The following DENND5A variants were observed in gnomAD, a reference collection of about 807,000 sequenced individuals.
The protein encoded by DENND5A is DENN domain containing 5A, also known as DENN domain-containing protein 5A.
Under a neutral mutation model 140.3 loss-of-function variants are expected in DENND5A, and 64 were observed. That is an observed-to-expected ratio of 0.46 (90% CI 0.37 to 0.56). The LOEUF (loss-of-function observed/expected upper bound fraction) is 0.56, where lower values mean the gene tolerates loss of function less well. DENND5A is among the 20% of genes least tolerant of loss of function. The probability of loss-of-function intolerance (pLI) is 0.00; values close to 1 mark genes in which losing one functional copy is unlikely to be tolerated. For synonymous variants in DENND5A, 605 were observed against 607.7 expected (o/e 1.00, Z 0.07); for missense variants, 1,292 against 1,593.8 (o/e 0.81, Z 3.22).
intron 1 of DENND5A, among the ~76,000 whole-genome samples, chr11:9,241,054 G>C (rs1483746910): frequency 6.6e-6 from 1 of 152,176 alleles, no homozygotes; most frequent in East Asian, 1.9e-4. Context: ...TGTGATGTTT[G>C]TGTATTCTTC....
intron 5 of DENND5A, among the ~76,000 whole-genome samples, chr11:9,185,834 T>C (rs1163165444): frequency 6.6e-6 from 1 of 151,836 alleles, no homozygotes; most frequent in Non-Finnish European, 1.5e-5. Flanking sequence ...GTCTGTAAAT[T>C]TGTGTGTGTG....
intron 1 of DENND5A, among the ~76,000 whole-genome samples, chr11:9,238,965 A>G (rs1165450908): frequency 2.0e-5 from 3 of 149,112 alleles, no homozygotes; most frequent in Non-Finnish European, 4.5e-5. Flanking sequence ...CTGAGTAGCT[A>G]GGATTACAGG....
chr11:9,205,618 T>C (rs527907517), intron 3 of DENND5A, among the ~76,000 whole-genome samples: 1 of 152,276 alleles, frequency 6.6e-6, no homozygotes, highest in South Asian at 2.1e-4. Context: ...GAAGGCCAGG[T>C]GCAGTGGCTC....
intron 13 of DENND5A, 72 bp from the exon 14 acceptor site, chr11:9,150,836 T>G: frequency 1.1e-6 from 1 of 893,846 alleles, no homozygotes; most frequent in Non-Finnish European, 1.8e-6. Flanking sequence ...TCCCTTACCT[T>G]AAATCACAAA....
chr11:9,238,593 T>C (rs924223344), intron 1 of DENND5A, among the ~76,000 whole-genome samples: 1 of 151,824 alleles, frequency 6.6e-6, no homozygotes, highest in African/African-American at 2.4e-5. Context: ...ATTTTTTATA[T>C]TTTTAGTAGA....
At chr11:9,235,783 G>C (rs7941520) in intron 1 of DENND5A, among the ~76,000 whole-genome samples, 94,175 of 151,984 alleles carry the variant, frequency 0.62, 29,785 homozygotes, top group African/African-American at 0.72. Context: ...AATCCAGAGA[G>C]AGAAAGCAGA....
At chr11:9,214,657 G>GT (rs1850015349) in intron 1 of DENND5A, among the ~76,000 whole-genome samples, 1 of 152,180 alleles carries the variant, frequency 6.6e-6, no homozygotes, top group Admixed American at 6.5e-5. Context: ...ACATTCACAA[G>GT]TAAGTACCCA....
chr11:9,185,755 A>ATGTGTGGTCTGCGTCTGTG (rs756754533), intron 5 of DENND5A, among the ~76,000 whole-genome samples: 9 of 151,708 alleles, frequency 5.9e-5, no homozygotes, highest in Non-Finnish European at 1.0e-4. Context: ...TTGTTCCTGT[A>ATGTGTGGTCTGCGTCTGTG]TGTGTGGTCT....
chr11:9,199,180 T>C (rs1419802856), intron 4 of DENND5A, among the ~76,000 whole-genome samples: 1 of 151,416 alleles, frequency 6.6e-6, no homozygotes, highest in Admixed American at 6.6e-5. Flanking sequence ...CCACTTCAGA[T>C]AAAGAGCTTC....
intron 1 of DENND5A, among the ~76,000 whole-genome samples, chr11:9,220,883 ACT>A (rs1263956822): frequency 2.6e-5 from 4 of 151,666 alleles, no homozygotes; most frequent in African/African-American, 4.8e-5. Flanking sequence ...ACAAAGCGAG[ACT>A]CTGTCTCAAA....
intron 1 of DENND5A, among the ~76,000 whole-genome samples, chr11:9,220,632 C>T (rs1219850099): frequency 1.3e-5 from 2 of 151,888 alleles, no homozygotes; most frequent in Non-Finnish European, 2.9e-5. Flanking sequence ...GTGGCTCACA[C>T]CTATAATCCC....
intron 1 of DENND5A, among the ~76,000 whole-genome samples, chr11:9,227,811 T>A (rs1023826481): frequency 2.5e-4 from 37 of 146,702 alleles, no homozygotes; most frequent in African/African-American, 8.5e-4. Flanking sequence ...AAATTTAAAT[T>A]AAAAAAAAAA....
At chr11:9,187,268 TC>T (rs1244635089) in intron 5 of DENND5A, among the ~76,000 whole-genome samples, 1 of 152,154 alleles carries the variant, frequency 6.6e-6, no homozygotes, top group East Asian at 1.9e-4. Flanking sequence ...TCATATATCC[TC>T]CTTCCTCAGC....
Position 9,190,499 on chromosome 11 carries a change from T to C in DENND5A, c.1137+2995A>G, listed in dbSNP as rs939970864. Among the ~76,000 whole-genome samples the C allele has an allele frequency of 2.0e-5, 3 of 152,190 alleles. No homozygotes were observed. In the East Asian group the frequency reaches 5.8e-4, roughly 29 times the overall value. On this transcript the variant is annotated intron_variant, in intron 5 of 22. Coordinates refer to ENST00000328194, the MANE Select transcript of DENND5A (RefSeq NM_015213.4). ...GGGGAGTTTCCCTGCACAAGCTCTC[T>C]CTTTGCCTGCTGCCATCCATGTAAG... is the stretch of plus-strand genomic sequence containing the variant.
chr11:9,167,384 G>C (rs1848226029), intron 10 of DENND5A, among the ~76,000 whole-genome samples: 1 of 149,424 alleles, frequency 6.7e-6, no homozygotes, highest in South Asian at 2.1e-4. Context: ...TCTGCCCACA[G>C]CCTCCTTTAC....
chr11:9,179,137 A>G (rs903634385), intron 6 of DENND5A, 64 bp from the exon 7 acceptor site: 3 of 1,435,908 alleles, frequency 2.1e-6, no homozygotes, highest in African/African-American at 2.9e-5. Flanking sequence ...AAGGAATGCA[A>G]TTCCTGATTT....
intron 1 of DENND5A, among the ~76,000 whole-genome samples, chr11:9,258,677 A>G (rs756390057): frequency 1.3e-5 from 2 of 151,976 alleles, no homozygotes; most frequent in Non-Finnish European, 2.9e-5. Flanking sequence ...CGCATCCACC[A>G]CTCATCAAAG....
intron 1 of DENND5A, among the ~76,000 whole-genome samples, chr11:9,253,210 A>C (rs549601750): frequency 6.6e-6 from 1 of 152,164 alleles, no homozygotes; most frequent in Non-Finnish European, 1.5e-5. Flanking sequence ...AAAGCCAAAA[A>C]ACAAGCTTAT....
At chr11:9,178,095 C>G in intron 8 of DENND5A, 37 bp downstream of exon 8, 4 of 1,393,388 alleles carry the variant, frequency 2.9e-6, no homozygotes, top group Non-Finnish European at 4.1e-6. Context: ...TGCCATAATC[C>G]AAGAGGCCTG....
Sources: allele counts gnomAD v4.1 joint callset (sites outside exome capture counted in the v4.1 genomes callset), GRCh38; gene constraint gnomAD v4.1.1; transcripts MANE v1.5; gene names NCBI Gene and HGNC (gene_info 2026-07-23, HGNC 2026-07-21).